The following HGS variants were observed in gnomAD, a reference collection of about 807,000 sequenced individuals.
The protein encoded by HGS is human growth factor-regulated tyrosine kinase substrate.
A neutral mutation model predicts 109.7 loss-of-function variants in HGS; 63 were observed. That is an observed-to-expected ratio of 0.57 (90% CI 0.47 to 0.71). The LOEUF (loss-of-function observed/expected upper bound fraction) is 0.71. Ranked by LOEUF, HGS falls within the 30% of genes least tolerant of loss-of-function variation. The pLI is 0.00. For synonymous variants in HGS, 546 were observed against 437.3 expected (o/e 1.25, Z -3.10); for missense variants, 995 against 1,068.3 (o/e 0.93, Z 0.96).
In HGS at chr17:81,694,941, C is replaced by A. The variant is rs1008759604; in HGVS notation, c.993C>A (p.Asn331Lys). 1 of 1,614,214 alleles carries A rather than the reference C, an allele frequency of 6.2e-7. No homozygotes were observed. The highest frequency in any genetic ancestry group is 8.5e-7 in the Non-Finnish European group (1 of 1,180,042). ...GCCTGCAGCTCGCACGGTATCTCAA[C>A]CGGAACTACTGGGAGAAGAAGCAGG... ...DIDPELARYLNRNYWEKKQEE... is the reference protein window; with the variant it reads ...DIDPELARYLKRNYWEKKQEE... Residue 331 changes from asparagine (N) to lysine (K), a missense_variant, in exon 13 of 22, where the codon AAC (asparagine) becomes AAA (lysine). By Grantham distance (94) the Asn-to-Lys change is moderately conservative. Around this residue, in one of 6 missense-constraint regions of HGS, gnomAD observed 300 missense variants for 235.4 expected, o/e 1.27. Coordinates refer to ENST00000329138, the MANE Select transcript of HGS (RefSeq NM_004712.5).
intron 15 of HGS, 63 bp from the exon 16 acceptor site, chr17:81,696,294 C>T: frequency 2.0e-6 from 3 of 1,464,612 alleles, no homozygotes; most frequent in Non-Finnish European, 2.7e-6. Flanking sequence ...CGTGTCCGTT[C>T]CACCCAGGAG....
At chr17:81,685,017 C>T (rs2036952770) in intron 1 of HGS, 2 of 984,910 alleles carry the variant, frequency 2.0e-6, no homozygotes, top group Non-Finnish European at 2.4e-6. Flanking sequence ...GCTGGAGCTG[C>T]CCCCCCAGAG....
Position 81,691,943 on chromosome 17 carries a change from G to A in HGS, c.662+372G>A, listed in dbSNP as rs1182791404. 5.1e-6 allele frequency: 1 copy of A among 194,348 alleles called. No individual in the cohort carries two copies. The highest frequency in any genetic ancestry group is 5.3e-5 in the Admixed American group (1 of 18,718). 12.0% of individuals were successfully genotyped at this position (194,348 alleles called of 1,614,324 possible). On this transcript the variant is annotated intron_variant, in intron 8 of 21. Coordinates refer to ENST00000329138, the MANE Select transcript of HGS (RefSeq NM_004712.5). This position sits in a 1 kb window ranked among gnomAD's most constrained non-coding sequence, Gnocchi z 5.3. ...GTGCCTCAGCGGTGGGAACCTGCGG[G>A]GCCGCGGCCGGTGCCTCGGCGGTCG... is the stretch of plus-strand genomic sequence containing the variant.
chr17:81,685,224 C>T (rs2144480518), intron 1 of HGS, among the ~76,000 whole-genome samples: 1 of 152,288 alleles, frequency 6.6e-6, no homozygotes, highest in Admixed American at 6.5e-5. Context: ...CGAACGGGGA[C>T]TCCAAGGGAC....
In HGS at chr17:81,691,321, T is replaced by C; in HGVS notation, c.538-126T>C. 1.7e-6 allele frequency: 2 copies of C among 1,193,216 alleles called. No homozygotes were observed. Among genetic ancestry groups the C allele is most frequent in the Admixed American group, 3.6e-5 (2 of 55,472 alleles). 73.9% of individuals were successfully genotyped at this position (1,193,216 alleles called of 1,614,324 possible). A position where few individuals can be genotyped will look rare whatever the true frequency, so the allele number is the denominator to read the frequency against. On this transcript the variant is annotated intron_variant, in intron 7 of 21. Coordinates refer to ENST00000329138, the MANE Select transcript of HGS (RefSeq NM_004712.5). The surrounding 1 kb of genome is among the most constrained non-coding windows in gnomAD (Gnocchi z 5.3). ...TTAGGGTCTTCCCAGGCACTTGTTC[T>C]GCTTGTCCCTTGCCTTCCCCCACCT...
At chr17:81,686,432 C>T (rs1188718185) in intron 3 of HGS, 45 bp downstream of exon 3, 13 of 1,400,172 alleles carry the variant, frequency 9.3e-6, no homozygotes, top group South Asian at 2.3e-5. Context: ...GTCCCTACCC[C>T]CTACTAGTCA....
intron 18 of HGS, among the ~76,000 whole-genome samples, chr17:81,698,678 T>C (rs2037190153): frequency 6.6e-6 from 1 of 152,180 alleles, no homozygotes; most frequent in Admixed American, 6.5e-5. Flanking sequence ...TCTAGGTTGT[T>C]AGCAGACAGA....
In HGS at chr17:81,686,380, C is replaced by T; in HGVS notation, c.191C>T (p.Ala64Val). ...NDKNPHVALYALEVMESVVKN... is the reference protein window; with the variant it reads ...NDKNPHVALYVLEVMESVVKN... ...AAGAACCCACACGTCGCCTTGTATG[C>T]CCTGGAGGTAAGCAGACCCCCGTGC... Residue 64 changes from alanine to valine, a missense_variant, in exon 3 of 22, where the codon GCC (alanine) becomes GTC (valine). Coordinates refer to ENST00000329138, the MANE Select transcript of HGS (RefSeq NM_004712.5). 1 of 1,613,244 alleles carries T rather than the reference C, an allele frequency of 6.2e-7. No homozygotes were observed. The highest frequency in any genetic ancestry group is 8.5e-7 in the Non-Finnish European group (1 of 1,179,654).
At position 81,696,762 on chromosome 17, in the gene HGS, C is replaced by G. The variant is rs1401769391; in HGVS notation, c.1707+15C>G. 1 of 1,603,226 alleles carries G rather than the reference C, an allele frequency of 6.2e-7. No individual in the cohort carries two copies. Among genetic ancestry groups the G allele is most frequent in the Non-Finnish European group, 8.5e-7 (1 of 1,172,972 alleles). On this transcript the variant is annotated intron_variant, in intron 17 of 21. Coordinates refer to ENST00000329138, the MANE Select transcript of HGS (RefSeq NM_004712.5). Reference sequence around the variant, plus strand: ...CCTACGCCCAGGCATGTGCCATCCTCCCGCCACCCAGAGGCTTGTGGGCTG... The same window carrying G: ...CCTACGCCCAGGCATGTGCCATCCTGCCGCCACCCAGAGGCTTGTGGGCTG...
chr17:81,694,332 G>C lies in HGS; in HGVS notation c.936+367G>C, dbSNP rs74575874. Among the ~76,000 whole-genome samples the C allele has an allele frequency of 6.7e-3, 1,025 of 152,358 alleles. 14 individuals are homozygous for C. Among genetic ancestry groups the C allele is most frequent in the African/African-American group, 0.024 (979 of 41,580 alleles). On this transcript the variant is annotated intron_variant, in intron 11 of 21. Coordinates refer to ENST00000329138, the MANE Select transcript of HGS (RefSeq NM_004712.5). ...AGCCCCGCTCTCAGTAGAGGGTGAA[G>C]AGGCAGCCTGTTTTGCAGGGGGTTG...
intron 18 of HGS, among the ~76,000 whole-genome samples, chr17:81,698,565 C>T (rs1277878964): frequency 3.9e-5 from 6 of 152,130 alleles, no homozygotes; most frequent in Non-Finnish European, 7.3e-5. Context: ...TGTTCTCAAC[C>T]CTGGAAGCAG....
At chr17:81,698,491 G>C (rs73354134) in intron 18 of HGS, 3 of 152,200 alleles carry the variant, frequency 2.0e-5, no homozygotes, top group Non-Finnish European at 2.9e-5. Context: ...TCTCTGTTGC[G>C]TAGGGCCATT....
At chr17:81,700,415 TCTC>T (rs2037217387) in intron 18 of HGS, 49 bp from the exon 19 acceptor site, 6 of 1,431,420 alleles carry the variant, frequency 4.2e-6, no homozygotes, top group Non-Finnish European at 5.6e-6. Flanking sequence ...TGTCCCTTCC[TCTC>T]CTCCCTGTTG....
intron 19 of HGS, 36 bp from the exon 20 acceptor site, chr17:81,700,659 C>CCCCCCCCCCCCT: frequency 6.3e-7 from 1 of 1,594,984 alleles, no homozygotes; most frequent in Non-Finnish European, 8.6e-7. Flanking sequence ...GCCCCAGCCC[C>CCCCCCCCCCCCT]AGCCCCTTCT....
At chr17:81,699,677 G>A (rs537672719) in intron 18 of HGS, among the ~76,000 whole-genome samples, 159 of 148,334 alleles carry the variant, frequency 1.1e-3, no homozygotes, top group Middle Eastern at 3.4e-3. Context: ...GCCTGCCTCG[G>A]CCTCCCAAAG....
At chr17:81,694,714 C>G (rs752602695) in intron 11 of HGS, 101 bp from the exon 12 acceptor site, 1 of 1,427,274 alleles carries the variant, frequency 7.0e-7, no homozygotes, top group Admixed American at 1.7e-5. Context: ...GCCCAGGCTG[C>G]GGCTCTGGTC....
chr17:81,695,737 G>T (rs1278437496), intron 14 of HGS, 49 bp from the exon 15 acceptor site: 1 of 1,569,486 alleles, frequency 6.4e-7, no homozygotes, highest in African/African-American at 1.3e-5. Context: ...CACCAGGGAG[G>T]CTGGCTGGGG....
At position 81,700,534 on chromosome 17, in the gene HGS, C is replaced by A. The variant is rs772830926; in HGVS notation, c.1950C>A (p.Ala650=). ...CTGGGGCGCAGGCGGCCCCCCAGGCCCAGGCCGGACCCACCGCCAGCCCCG... is the reference window on the plus strand; with the variant it reads ...CTGGGGCGCAGGCGGCCCCCCAGGCACAGGCCGGACCCACCGCCAGCCCCG... The part of the protein sequence containing the change: ...GATGAQAAPQ[A]QAGPTASPAY... Residue 650 remains alanine (A), a synonymous_variant, in exon 19 of 22, where the codon GCC becomes GCA. Coordinates refer to ENST00000329138, the MANE Select transcript of HGS (RefSeq NM_004712.5). The A allele has an allele frequency of 6.2e-7, 1 of 1,610,342 alleles. No homozygotes were observed. The highest frequency in any genetic ancestry group is 8.5e-7 in the Non-Finnish European group (1 of 1,178,230).
chr17:81,695,181 A>C lies in HGS; in HGVS notation c.1137A>C (p.Thr379=). Residue 379 remains threonine (T), a synonymous_variant, in exon 14 of 22, where the codon ACA becomes ACC. Transcript: ENST00000329138. ...TCTTCCAGAACCCCCTCCCGGAGAC[A>C]GACTCTCAGCCCATTCCTCCCTCTG... ...TNVVENPLPE[T]DSQPIPPSGG... 1 of 1,614,198 alleles carries C rather than the reference A, an allele frequency of 6.2e-7. No individual in the cohort carries two copies. Among genetic ancestry groups the C allele is most frequent in the Non-Finnish European group, 8.5e-7 (1 of 1,180,006 alleles).
Sources: allele counts gnomAD v4.1 joint callset (sites outside exome capture counted in the v4.1 genomes callset), GRCh38; gene constraint gnomAD v4.1.1; regional missense constraint gnomAD v4.1.1; non-coding constraint Gnocchi (gnomAD v3.1); transcripts MANE v1.5; gene names NCBI Gene and HGNC (gene_info 2026-07-23, HGNC 2026-07-21).